PLXNA4: variants seen among roughly 807,000 people sequenced by gnomAD.
The protein encoded by PLXNA4 is plexin A4.
Under a neutral mutation model 191.8 loss-of-function variants are expected in PLXNA4, and 44 were observed. The ratio of observed to expected loss-of-function variants is 0.23; its 90% CI spans 0.18 to 0.29. PLXNA4 has a LOEUF of 0.29. Ranked by LOEUF, PLXNA4 falls within the 10% of genes least tolerant of loss-of-function variation. The pLI, the probability that PLXNA4 is intolerant of heterozygous loss-of-function variation, is 1.00. For missense variants in PLXNA4, 1,800 were observed against 2,488.8 expected, an observed-to-expected ratio of 0.72 and a Z score of 5.89; for synonymous variants, 1,082 against 1,009.5, an observed-to-expected ratio of 1.07 and a Z score of -1.36.
At chr7:132,630,950 C>G (rs188958574) in intron 2 of PLXNA4, among the ~76,000 whole-genome samples, 45 of 152,354 alleles carry the variant, frequency 3.0e-4, no homozygotes, top group African/African-American at 1.0e-3. Flanking sequence ...CTCTCCCTAA[C>G]TAAAACCCTT....
Position 132,508,064 on chromosome 7 carries a change from C to T in PLXNA4, c.630G>A (p.Ala210=), listed in dbSNP as rs771658621. 8.9e-5 allele frequency: 144 copies of T among 1,614,228 alleles called. No individual in the cohort carries two copies. Among genetic ancestry groups the T allele is most frequent in the South Asian group, 2.1e-4 (19 of 91,082 alleles). ...SSRKLTKNSE[A]DGMFAYVFHD... ...GGAAGACGTACGCGAACATGCCATC[C>T]GCCTCAGAGTTCTTGGTCAGTTTCC... Residue 210 remains alanine, a synonymous_variant, in exon 2 of 32, where the codon GCG becomes GCA. Coordinates refer to ENST00000321063, the MANE Select transcript of PLXNA4 (RefSeq NM_020911.2). The surrounding 1 kb of genome is among the most constrained non-coding windows in gnomAD (Gnocchi z 4.4).
rs1444985583 is a variant in PLXNA4 at position 132,203,858 on chromosome 7, GA to G, written c.2299-440del. Among the ~76,000 whole-genome samples the G allele has an allele frequency of 5.3e-5, 8 of 152,174 alleles. No individual in the cohort carries two copies. In the East Asian group the frequency reaches 1.5e-3, roughly 29 times the overall value. On this transcript the variant is annotated intron_variant, in intron 10 of 31. Transcript: ENST00000321063. Reference sequence around the variant, plus strand: ...CTCCCAAGTCTGCAATTAGATTGGGGAACTCTAATTTCCAGGAAATGTCCAG... The same window carrying G: ...CTCCCAAGTCTGCAATTAGATTGGGGACTCTAATTTCCAGGAAATGTCCAG...
intron 1 of PLXNA4, among the ~76,000 whole-genome samples, chr7:132,560,080 A>G (rs1480916024): frequency 6.6e-6 from 1 of 152,172 alleles, no homozygotes; most frequent in Non-Finnish European, 1.5e-5. Flanking sequence ...ACTTTGTCCT[A>G]CCTCCCAGAA....
At chr7:132,541,863 G>A (rs998596419) in intron 1 of PLXNA4, among the ~76,000 whole-genome samples, 18 of 152,192 alleles carry the variant, frequency 1.2e-4, no homozygotes, top group African/African-American at 3.4e-4. Flanking sequence ...GGCATCTCAG[G>A]GACAAGCCAG....
At chr7:132,630,076 TC>T (rs1322034865) in intron 2 of PLXNA4, among the ~76,000 whole-genome samples, 1 of 152,104 alleles carries the variant, frequency 6.6e-6, no homozygotes, top group Non-Finnish European at 1.5e-5. Flanking sequence ...GGTCTCAATC[TC>T]CTGACCTTGT....
intron 3 of PLXNA4, among the ~76,000 whole-genome samples, chr7:132,475,972 G>A (rs753032667): frequency 6.6e-6 from 1 of 152,180 alleles, no homozygotes; most frequent in Non-Finnish European, 1.5e-5. Flanking sequence ...TGAGGGAGGT[G>A]GATGCAAGGC....
intron 1 of PLXNA4, among the ~76,000 whole-genome samples, chr7:132,521,224 T>C (rs1228394948): frequency 1.4e-5 from 2 of 147,222 alleles, no homozygotes; most frequent in African/African-American, 5.0e-5. Context: ...GGCAACAAAG[T>C]TTTGGGGCCA....
chr7:132,356,981 G>A (rs1481335003), intron 3 of PLXNA4, among the ~76,000 whole-genome samples: 5 of 152,166 alleles, frequency 3.3e-5, no homozygotes, highest in African/African-American at 7.2e-5. Context: ...TCCTAAGGAA[G>A]GTTGTGAAAC....
intron 1 of PLXNA4, among the ~76,000 whole-genome samples, chr7:132,571,562 G>A (rs994436316): frequency 2.9e-4 from 44 of 152,126 alleles, no homozygotes; most frequent in Admixed American, 2.6e-3. Flanking sequence ...GTGGTGTAAT[G>A]GTAAGAATCT....
intron 5 of PLXNA4, among the ~76,000 whole-genome samples, chr7:132,229,846 C>A (rs1320619452): frequency 2.6e-5 from 4 of 151,982 alleles, no homozygotes; most frequent in African/African-American, 9.7e-5. Context: ...ACACCCTGAG[C>A]TGCTATTGGG....
chr7:132,319,121 C>T (rs1802065252), intron 3 of PLXNA4, among the ~76,000 whole-genome samples: 1 of 152,196 alleles, frequency 6.6e-6, no homozygotes, highest in South Asian at 2.1e-4. Context: ...TCCTCTCTTC[C>T]ATTCTTCTCT....
At chr7:132,399,070 C>T (rs1354446335) in intron 3 of PLXNA4, among the ~76,000 whole-genome samples, 1 of 152,172 alleles carries the variant, frequency 6.6e-6, no homozygotes, top group Non-Finnish European at 1.5e-5. Flanking sequence ...CATCCCATGC[C>T]ATCTGATTGG....
intron 1 of PLXNA4, among the ~76,000 whole-genome samples, chr7:132,535,860 T>A (rs977205123): frequency 6.6e-6 from 1 of 152,066 alleles, no homozygotes; most frequent in Non-Finnish European, 1.5e-5. Context: ...ACCCCCATCA[T>A]CTCCATTAAT....
At chr7:132,460,384 A>AAAAAC (rs539361615) in intron 3 of PLXNA4, among the ~76,000 whole-genome samples, 3 of 151,950 alleles carry the variant, frequency 2.0e-5, no homozygotes, top group East Asian at 2.0e-4. Context: ...AAAAAAAAAA[A>AAAAAC]ACCTCAAATT....
At chr7:132,648,196 C>T (rs1446151577) in intron 1 of PLXNA4, among the ~76,000 whole-genome samples, 1 of 152,104 alleles carries the variant, frequency 6.6e-6, no homozygotes, top group East Asian at 1.9e-4. Flanking sequence ...CTGTGTCACA[C>T]ACACATATGC....
rs904087696 is a variant in PLXNA4, at chr7:132,140,736, T to A, written c.5301A>T (p.Thr1767=). Reference sequence around the variant, plus strand: ...GAGCCACCACAGAGAGGCAGGCGTCTGTGATGCTGTTCTTATGGATGTCAA... The same window carrying A: ...GAGCCACCACAGAGAGGCAGGCGTCAGTGATGCTGTTCTTATGGATGTCAA... ...FVFDIHKNSI[T]DACLSVVAQT... The change falls in exon 30 of 32, where the codon ACA becomes ACT. Residue 1767 remains threonine (T), a synonymous_variant. Coordinates refer to ENST00000321063, the MANE Select transcript of PLXNA4 (RefSeq NM_020911.2). The A allele has an allele frequency of 1.9e-6, 3 of 1,613,768 alleles. No homozygotes were observed. In the African/African-American group the frequency reaches 4.0e-5, roughly 22 times the overall value.
chr7:132,515,751 G>A (rs73158871), intron 1 of PLXNA4, among the ~76,000 whole-genome samples: 18,936 of 152,202 alleles, frequency 0.12, 1,329 homozygotes, highest in Non-Finnish European at 0.14. Flanking sequence ...TCATGCTTCC[G>A]GGCCCTGAGT....
At chr7:132,510,568 A>G in intron 1 of PLXNA4, among the ~76,000 whole-genome samples, 1 of 152,356 alleles carries the variant, frequency 6.6e-6, no homozygotes, top group South Asian at 2.1e-4. Context: ...CGATACCACC[A>G]GAACCTGAAC....
chr7:132,173,117 G>T (rs750332688), intron 21 of PLXNA4, among the ~76,000 whole-genome samples: 1 of 152,074 alleles, frequency 6.6e-6, no homozygotes, highest in Non-Finnish European at 1.5e-5. Context: ...ACACACACAC[G>T]TGCACACAAT....
Sources: allele counts gnomAD v4.1 joint callset (sites outside exome capture counted in the v4.1 genomes callset), GRCh38; gene constraint gnomAD v4.1.1; non-coding constraint Gnocchi (gnomAD v3.1); transcripts MANE v1.5; gene names NCBI Gene and HGNC (gene_info 2026-07-23, HGNC 2026-07-21).